The following PKN3 variants were observed in gnomAD, a reference collection of about 807,000 sequenced individuals.
PKN3 encodes the protein protein kinase N3.
A neutral mutation model predicts 113.1 loss-of-function variants in PKN3; 91 were observed. That is an observed-to-expected ratio of 0.80 (90% CI 0.68 to 0.96). The LOEUF is 0.96. PKN3 is among the 40% of genes least tolerant of loss of function. PKN3 has a pLI of 0.00. For missense variants in PKN3, 1,052 were observed against 1,202.2 expected (o/e 0.88, Z 1.85); for synonymous variants, 467 against 499.0 (o/e 0.94, Z 0.85).
Position 128,713,259 on chromosome 9 carries a change from C to T in PKN3, c.983-19C>T, listed in dbSNP as rs751338022. ...CCCCTGCTTCAGGCCTGCCCTGAGT[C>T]CCGGCTCTGGCCCTGCAGGCGAGGT... On this transcript the variant is annotated intron_variant, in intron 7 of 21. Transcript: ENST00000291906. 1 of 1,613,206 alleles carries T rather than the reference C, an allele frequency of 6.2e-7. No homozygotes were observed.
Position 128,711,253 on chromosome 9 carries a change from G to A in PKN3, c.836-1799G>A, listed in dbSNP as rs149447922. Among the ~76,000 whole-genome samples the A allele has an allele frequency of 3.0e-3, 457 of 151,302 alleles. 7 individuals are homozygous for A. In the East Asian group the frequency reaches 0.035, roughly 11 times the overall value. On this transcript the variant is annotated intron_variant, in intron 6 of 21. Coordinates refer to ENST00000291906, the MANE Select transcript of PKN3 (RefSeq NM_013355.5). ...ACTTCCGACCTCAGGTGATTTGCCC[G>A]CCTTGGCCTCCCAAAGTGCTGGGAT...
Position 128,715,038 on chromosome 9 carries a change from G to A in PKN3, c.1653-134G>A. The A allele has an allele frequency of 9.2e-7, 1 of 1,088,890 alleles. No individual in the cohort carries two copies. Among genetic ancestry groups the A allele is most frequent in the African/African-American group, 1.6e-5 (1 of 64,418 alleles). 67.5% of individuals were successfully genotyped at this position (1,088,890 alleles called of 1,614,324 possible). On this transcript the variant is annotated intron_variant, in intron 13 of 21. Transcript: ENST00000291906. The surrounding 1 kb of genome is among the most constrained non-coding windows in gnomAD (Gnocchi z 4.1). ...TCCAGCTCTATGCCGGCTTCTAGGA[G>A]TCCTTACTGCAGGGCTTTTTCGAGC...
In PKN3 at chr9:128,718,568, C is replaced by G. The variant is rs1366355286; in HGVS notation, c.2068C>G (p.Leu690Val). Residue 690 changes from leucine (L) to valine (V), a missense_variant, in exon 18 of 22, where the codon CTT becomes GTT. Physicochemically the swap from Leu to Val is conservative, Grantham distance 32. Transcript: ENST00000291906. ...IIYRDLKLDN[L>V]LLDAQGFLKI... ...CCTCAGGGACCTGAAGTTGGATAAC[C>G]TTCTGCTGGATGCCCAGGGATTCCT... 2.5e-6 allele frequency: 4 copies of G among 1,613,988 alleles called. No homozygotes were observed. The highest frequency in any genetic ancestry group is 3.4e-6 in the Non-Finnish European group (4 of 1,180,024).
In PKN3 at chr9:128,715,553, A is replaced by G; in HGVS notation, c.1808+93A>G. 1 of 902,106 alleles carries G rather than the reference A, an allele frequency of 1.1e-6. No individual in the cohort carries two copies. The highest frequency in any genetic ancestry group is 1.5e-5 in the South Asian group (1 of 68,728). The allele number at this position is 902,106 out of a possible 1,614,324, so 55.9% of individuals were successfully genotyped here. ...AGGTTCCTGGGGCTTTGGAGAGGTGACCCCGTGGGGCCAGCCAGCCTGCAT... is the reference window on the plus strand; with the variant it reads ...AGGTTCCTGGGGCTTTGGAGAGGTGGCCCCGTGGGGCCAGCCAGCCTGCAT... On this transcript the variant is annotated intron_variant, in intron 15 of 21. Coordinates refer to ENST00000291906, the MANE Select transcript of PKN3 (RefSeq NM_013355.5). The surrounding 1 kb of genome is among the most constrained non-coding windows in gnomAD (Gnocchi z 4.1).
intron 6 of PKN3, among the ~76,000 whole-genome samples, chr9:128,710,852 T>C (rs571499584): frequency 1.3e-5 from 2 of 152,250 alleles, no homozygotes; most frequent in African/African-American, 4.8e-5. Context: ...ACGGGAGTAC[T>C]TATGGCCAAG....
chr9:128,718,277 C>T (rs1862404085), intron 16 of PKN3, 48 bp from the exon 17 acceptor site: 1 of 1,521,014 alleles, frequency 6.6e-7, no homozygotes, highest in Non-Finnish European at 9.1e-7. Context: ...TGCCCTGCCT[C>T]CCTGGTGTGT....
At chr9:128,716,246 C>T (rs529165424) in intron 15 of PKN3, among the ~76,000 whole-genome samples, 14 of 146,428 alleles carry the variant, frequency 9.6e-5, no homozygotes, top group African/African-American at 3.3e-4. Context: ...TGCAGTGAGC[C>T]GAGATCGCAC....
chr9:128,718,384 A>C lies in PKN3; in HGVS notation c.2045A>C (p.Tyr682Ser). 6.4e-7 allele frequency: 1 copy of C among 1,551,862 alleles called. No individual in the cohort carries two copies. Residue 682 changes from tyrosine (Y) to serine (S), a missense_variant, in exon 17 of 22, where the codon TAC (tyrosine) becomes TCC (serine). Tyr to Ser is a moderately radical substitution (Grantham distance 144). Coordinates refer to ENST00000291906, the MANE Select transcript of PKN3 (RefSeq NM_013355.5). ...TTCTTACACGAGAAGAAGATCATTTACAGGTGACTTTTGTCCCAGGGATGC... is the reference window on the plus strand; with the variant it reads ...TTCTTACACGAGAAGAAGATCATTTCCAGGTGACTTTTGTCCCAGGGATGC... ...LQFLHEKKII[Y>S]RDLKLDNLLL...
chr9:128,711,622 A>G (rs1199202715), intron 6 of PKN3, among the ~76,000 whole-genome samples: 2 of 139,546 alleles, frequency 1.4e-5, no homozygotes, highest in East Asian at 4.4e-4. Context: ...GGTGGGGGAC[A>G]GAGTCTTGCT....
chr9:128,711,708 C>A (rs1460112424), intron 6 of PKN3, among the ~76,000 whole-genome samples: 2 of 151,514 alleles, frequency 1.3e-5, no homozygotes, highest in Non-Finnish European at 2.9e-5. Flanking sequence ...AAGCGATTCT[C>A]CTGCCTCAGC....
At chr9:128,704,517 C>T (rs1008491332) in intron 1 of PKN3, among the ~76,000 whole-genome samples, 1 of 152,170 alleles carries the variant, frequency 6.6e-6, no homozygotes, top group African/African-American at 2.4e-5. Flanking sequence ...GCCTGATTAC[C>T]CAGGGCTGCC....
intron 1 of PKN3, 106 bp downstream of exon 1, chr9:128,703,045 C>T: frequency 1.3e-6 from 1 of 792,670 alleles, no homozygotes; most frequent in Non-Finnish European, 1.8e-6. Flanking sequence ...TCCCCTCACC[C>T]GCGCCCCTTC....
Position 128,702,950 on chromosome 9 carries a change from T to C in PKN3, c.24+11T>C, listed in dbSNP as rs201208619. 2 of 1,432,964 alleles carry C rather than the reference T, an allele frequency of 1.4e-6. No individual in the cohort carries two copies. Among genetic ancestry groups the C allele is most frequent in the East Asian group, 6.0e-5 (2 of 33,084 alleles). The allele number at this position is 1,432,964 out of a possible 1,614,324, so 88.8% of individuals were successfully genotyped here. On this transcript the variant is annotated intron_variant, in intron 1 of 21. Transcript: ENST00000291906. ...GGGGCGCCGCGGCAGGTGAACGGCG[T>C]GGGAGGGGCGCGCGGGCCCGGGGGG...
chr9:128,709,135 A>G (rs1476707669), intron 6 of PKN3, among the ~76,000 whole-genome samples: 1 of 151,608 alleles, frequency 6.6e-6, no homozygotes, highest in African/African-American at 2.4e-5. Context: ...AATACAAAAA[A>G]TTAACCGGGC....
chr9:128,703,257 G>A (rs892397142), intron 1 of PKN3: 15 of 566,500 alleles, frequency 2.6e-5, no homozygotes, highest in African/African-American at 1.6e-4. Flanking sequence ...CCTTAAGTCG[G>A]TTCTCCTCGG....
rs1247038247 is a variant in PKN3 at position 128,718,622 on chromosome 9, G to A, written c.2122G>A (p.Glu708Lys). 31 of 1,613,978 alleles carry A rather than the reference G, an allele frequency of 1.9e-5. No individual in the cohort carries two copies. Among genetic ancestry groups the A allele is most frequent in the Non-Finnish European group, 2.6e-5 (31 of 1,179,946 alleles). ...LKIADFGLCK[E>K]GIGFGDRTST... ...GATCGCAGACTTTGGACTCTGCAAG[G>A]AAGGTGGGGGCCGCCCATTGGGATC... The change falls in exon 18 of 22, where the codon GAA becomes AAA. Residue 708 changes from glutamate to lysine, a missense_variant. By Grantham distance (56) the Glu-to-Lys change is moderately conservative (BLOSUM62 1). Coordinates refer to ENST00000291906, the MANE Select transcript of PKN3 (RefSeq NM_013355.5).
rs748848397 is a variant in PKN3, at chr9:128,718,544, C to T, written c.2049-5C>T. 2.2e-5 allele frequency: 36 copies of T among 1,613,900 alleles called. No individual in the cohort carries two copies. In the African/African-American group the frequency reaches 4.7e-4, roughly 21 times the overall value. ...AGTCCCTTTGATCTGCACCCTTGCC[C>T]TCAGGGACCTGAAGTTGGATAACCT... On this transcript the variant is annotated splice_polypyrimidine_tract_variant and splice_region_variant and intron_variant, in intron 17 of 21. Coordinates refer to ENST00000291906, the MANE Select transcript of PKN3 (RefSeq NM_013355.5).
At chr9:128,716,675 T>C (rs1049398642) in intron 15 of PKN3, 72 bp from the exon 16 acceptor site, 3 of 1,225,124 alleles carry the variant, frequency 2.4e-6, no homozygotes, top group Non-Finnish European at 3.5e-6. Flanking sequence ...GAGCCAGGGG[T>C]GTTGTGCAGG....
At chr9:128,712,469 C>T (rs542313101) in intron 6 of PKN3, among the ~76,000 whole-genome samples, 1 of 152,320 alleles carries the variant, frequency 6.6e-6, no homozygotes, top group Admixed American at 6.5e-5. Flanking sequence ...CTGGGACTCA[C>T]CTCCACTGTT....
Sources: gnomAD v4.1 joint callset for allele counts (sites outside exome capture counted in the v4.1 genomes callset) on GRCh38, gnomAD v4.1.1 for gene constraint, Gnocchi (gnomAD v3.1) non-coding constraint, MANE v1.5 for transcripts, NCBI Gene and HGNC (gene_info 2026-07-23, HGNC 2026-07-21) for gene names.